GAS2: variants seen among roughly 807,000 people sequenced by gnomAD.
GAS2 encodes growth arrest specific 2.
Under a neutral mutation model 37.5 loss-of-function variants are expected in GAS2, and 20 were observed. That is an observed-to-expected ratio of 0.53 (90% CI 0.37 to 0.77). The LOEUF (loss-of-function observed/expected upper bound fraction) is 0.77, where lower values mean the gene tolerates loss of function less well. Ranked by LOEUF, GAS2 falls within the 30% of genes least tolerant of loss-of-function variation. GAS2 has a pLI of 0.00. For missense variants in GAS2, 336 were observed against 373.4 expected, an observed-to-expected ratio of 0.90 and a Z score of 0.82; for synonymous variants, 144 against 132.2, an observed-to-expected ratio of 1.09 and a Z score of -0.61.
chr11:22,777,615 G>A (rs1443109495), intron 7 of GAS2, among the ~76,000 whole-genome samples: 3 of 152,162 alleles, frequency 2.0e-5, no homozygotes, highest in Non-Finnish European at 4.4e-5. Context: ...ATTTTAAAGG[G>A]TAAGCATGGC....
intron 1 of GAS2, among the ~76,000 whole-genome samples, chr11:22,645,226 A>T (rs1848675358): frequency 6.6e-6 from 1 of 151,830 alleles, no homozygotes; most frequent in South Asian, 2.1e-4. Context: ...ATATGTATAT[A>T]TGGCCGGGTG....
intron 5 of GAS2, among the ~76,000 whole-genome samples, chr11:22,746,252 A>G (rs930242203): frequency 1.3e-5 from 2 of 152,126 alleles, no homozygotes; most frequent in African/African-American, 4.8e-5. Flanking sequence ...GGGAAGACTT[A>G]TACACTGTTG....
intron 1 of GAS2, among the ~76,000 whole-genome samples, chr11:22,669,576 AGGATCAC>A (rs1849122101): frequency 6.6e-6 from 1 of 152,196 alleles, no homozygotes; most frequent in Admixed American, 6.5e-5. Flanking sequence ...CACTAAATTA[AGGATCAC>A]AAGAGCTGAG....
intron 7 of GAS2, among the ~76,000 whole-genome samples, chr11:22,803,723 A>G (rs749211919): frequency 7.9e-5 from 12 of 152,144 alleles, no homozygotes; most frequent in Non-Finnish European, 1.5e-4. Flanking sequence ...TGATAACAGT[A>G]TTGACCCTGT....
At chr11:22,635,044 C>T (rs1858802934) in intron 1 of GAS2, among the ~76,000 whole-genome samples, 1 of 152,150 alleles carries the variant, frequency 6.6e-6, no homozygotes, top group Non-Finnish European at 1.5e-5. Context: ...AGTTGGCCTC[C>T]AGCCAGGAGG....
chr11:22,711,650 C>T (rs1258264376), intron 3 of GAS2, among the ~76,000 whole-genome samples: 2 of 152,188 alleles, frequency 1.3e-5, no homozygotes, highest in East Asian at 1.9e-4. Context: ...GATATAAACT[C>T]AGTGCAGTTC....
chr11:22,773,052 G>A (rs1385145088), intron 7 of GAS2, among the ~76,000 whole-genome samples: 1 of 152,122 alleles, frequency 6.6e-6, no homozygotes, highest in East Asian at 1.9e-4. Flanking sequence ...AGAGTGCTAA[G>A]AGGTTCAGGC....
intron 7 of GAS2, among the ~76,000 whole-genome samples, chr11:22,779,418 C>G (rs12575129): frequency 0.36 from 54,588 of 152,096 alleles, 10,724 homozygotes; most frequent in South Asian, 0.57. Context: ...AATGCCTCAG[C>G]TGGGCGTGGT....
intron 3 of GAS2, 29 bp from the exon 4 acceptor site, chr11:22,726,263 C>G (rs775525927): frequency 5.1e-6 from 8 of 1,581,760 alleles, no homozygotes; most frequent in Non-Finnish European, 6.8e-6. Context: ...TGACAGATTT[C>G]TCCTAGAACG....
intron 2 of GAS2, among the ~76,000 whole-genome samples, chr11:22,676,740 A>G (rs919799618): frequency 1.3e-5 from 2 of 150,606 alleles, no homozygotes; most frequent in Non-Finnish European, 3.0e-5. Context: ...TTTTTCAACA[A>G]ACATTTGAGT....
At chr11:22,730,657 T>C (rs568323066) in intron 4 of GAS2, among the ~76,000 whole-genome samples, 1 of 151,892 alleles carries the variant, frequency 6.6e-6, no homozygotes, top group African/African-American at 2.4e-5. Context: ...GTTAAAAAGA[T>C]GAACTTAAGT....
At chr11:22,654,913 T>C (rs1284138060) in intron 1 of GAS2, among the ~76,000 whole-genome samples, 1 of 152,070 alleles carries the variant, frequency 6.6e-6, no homozygotes, top group Non-Finnish European at 1.5e-5. Flanking sequence ...AAATGAAAAT[T>C]TTCATCAAAG....
At chr11:22,794,922 G>A (rs1856352996) in intron 7 of GAS2, among the ~76,000 whole-genome samples, 1 of 152,146 alleles carries the variant, frequency 6.6e-6, no homozygotes, top group Non-Finnish European at 1.5e-5. Flanking sequence ...TCAGAGTCTT[G>A]TGTAGATTAC....
At chr11:22,731,672 A>T (rs1483674390) in intron 4 of GAS2, among the ~76,000 whole-genome samples, 1 of 151,794 alleles carries the variant, frequency 6.6e-6, no homozygotes, top group African/African-American at 2.4e-5. Flanking sequence ...CACGTGTTGC[A>T]TCAGAAAAAG....
chr11:22,810,369 G>A (rs183124894), intron 7 of GAS2, among the ~76,000 whole-genome samples: 8 of 152,136 alleles, frequency 5.3e-5, no homozygotes, highest in Admixed American at 2.0e-4. Context: ...GAGGCCTGAT[G>A]GTTGGTTTCC....
At chr11:22,662,593 A>C (rs1488364935), upstream of GAS2, among the ~76,000 whole-genome samples, 1 of 152,212 alleles carries the variant, frequency 6.6e-6, no homozygotes, top group Non-Finnish European at 1.5e-5. Flanking sequence ...TTGTGATTAA[A>C]GTAACATGAC....
chr11:22,648,121 C>G (rs926104513), intron 1 of GAS2, among the ~76,000 whole-genome samples: 2 of 152,148 alleles, frequency 1.3e-5, no homozygotes, highest in African/African-American at 4.8e-5. Context: ...GGAAGGAATC[C>G]AGTTTCAGCT....
intron 2 of GAS2, among the ~76,000 whole-genome samples, chr11:22,682,152 A>G (rs1394296032): frequency 2.0e-5 from 3 of 152,148 alleles, no homozygotes; most frequent in African/African-American, 7.2e-5. Context: ...GACACCTAAT[A>G]TATTTTTCAT....
At chr11:22,719,316 C>G (rs1851836474) in intron 3 of GAS2, among the ~76,000 whole-genome samples, 1 of 152,082 alleles carries the variant, frequency 6.6e-6, no homozygotes, top group Admixed American at 6.6e-5. Context: ...CTCCCAAGCC[C>G]TCAACCCCTT....
Sources: gnomAD v4.1 joint callset for allele counts (sites outside exome capture counted in the v4.1 genomes callset) on GRCh38, gnomAD v4.1.1 for gene constraint, MANE v1.5 for transcripts, NCBI Gene and HGNC (gene_info 2026-07-23, HGNC 2026-07-21) for gene names.